NXN: variants seen among roughly 807,000 people sequenced by gnomAD.
NXN encodes the protein nucleoredoxin, also known as nucleoredoxin 1.
Under a neutral mutation model 48.6 loss-of-function variants are expected in NXN, and 16 were observed. The observed-to-expected ratio is 0.33, with a 90% CI of 0.22 to 0.50. The LOEUF (loss-of-function observed/expected upper bound fraction) is 0.50, where lower values mean the gene tolerates loss of function less well. Among genes scored for constraint, NXN ranks in the 20% least tolerant of loss-of-function variants. The pLI is 0.98. For missense variants in NXN, 492 were observed against 605.5 expected (o/e 0.81, Z 1.97); for synonymous variants, 281 against 269.6 (o/e 1.04, Z -0.41).
chr17:870,420 G>A (rs749057739), intron 1 of NXN, among the ~76,000 whole-genome samples: 6 of 150,268 alleles, frequency 4.0e-5, no homozygotes, highest in South Asian at 2.1e-4. Flanking sequence ...GCCTAAGGGA[G>A]CATCACAGGA....
At chr17:863,455 C>A (rs1238671874) in intron 1 of NXN, among the ~76,000 whole-genome samples, 1 of 152,128 alleles carries the variant, frequency 6.6e-6, no homozygotes, top group South Asian at 2.1e-4. Context: ...GTGTGAGCCA[C>A]CACGCTCAGC....
At chr17:928,253 C>A (rs1399146885) in intron 1 of NXN, among the ~76,000 whole-genome samples, 1 of 152,138 alleles carries the variant, frequency 6.6e-6, no homozygotes, top group Non-Finnish European at 1.5e-5. Context: ...AAAAGCGACA[C>A]CCAGCTAACT....
chr17:955,520 G>A (rs1048783440), intron 1 of NXN, among the ~76,000 whole-genome samples: 5 of 151,514 alleles, frequency 3.3e-5, no homozygotes, highest in African/African-American at 1.2e-4. Context: ...GACACTGGTT[G>A]GACTTCTTTT....
intron 1 of NXN, among the ~76,000 whole-genome samples, chr17:974,223 C>A (rs1045745683): frequency 6.6e-6 from 1 of 151,566 alleles, no homozygotes; most frequent in Non-Finnish European, 1.5e-5. Context: ...TGGTGGTGGG[C>A]GCCTGTAGTC....
chr17:945,113 G>A (rs1295151951), intron 1 of NXN, among the ~76,000 whole-genome samples: 1 of 152,054 alleles, frequency 6.6e-6, no homozygotes, highest in Non-Finnish European at 1.5e-5. Context: ...ACGGAGTCTC[G>A]CTCTGTGGCC....
At chr17:875,326 CG>C (rs2068202615) in intron 1 of NXN, among the ~76,000 whole-genome samples, 2 of 152,084 alleles carry the variant, frequency 1.3e-5, no homozygotes, top group East Asian at 1.9e-4. Flanking sequence ...GCCACCATGC[CG>C]GGTGCTATAC....
At chr17:968,203 T>C (rs749375377) in intron 1 of NXN, among the ~76,000 whole-genome samples, 6 of 152,068 alleles carry the variant, frequency 3.9e-5, no homozygotes, top group Non-Finnish European at 7.4e-5. Context: ...GACTGTTGAA[T>C]GTGGGTGGAT....
intron 5 of NXN, among the ~76,000 whole-genome samples, chr17:814,083 A>T (rs1912331696): frequency 6.6e-6 from 1 of 151,940 alleles, no homozygotes; most frequent in African/African-American, 2.4e-5. Flanking sequence ...CAACATGGTG[A>T]AACCCTGTCT....
chr17:873,908 T>C (rs924534865), intron 1 of NXN, among the ~76,000 whole-genome samples: 2 of 152,140 alleles, frequency 1.3e-5, no homozygotes, highest in African/African-American at 4.8e-5. Context: ...GCTTCCTCCA[T>C]TTCTCCAACA....
rs548603292 is a variant in NXN at position 901,731 on chromosome 17, GCT to G, written c.361-75655_361-75654del. Among the ~76,000 whole-genome samples, 13 of 152,096 alleles carry G rather than the reference GCT, an allele frequency of 8.5e-5. No homozygotes were observed. In the South Asian group the frequency reaches 2.7e-3, roughly 32 times the overall value. On this transcript the variant is annotated intron_variant, in intron 1 of 7. Transcript: ENST00000336868. ...TTCTGTTTTTTGGAGATGGGATATC[GCT>G]CTGTCGCCCAAGCCGCAGTGCAGTG...
intron 1 of NXN, among the ~76,000 whole-genome samples, chr17:961,135 T>G (rs1450254546): frequency 1.3e-5 from 2 of 151,534 alleles, no homozygotes. Flanking sequence ...GGCTCATGCC[T>G]GTAATCCCAG....
intron 1 of NXN, among the ~76,000 whole-genome samples, chr17:895,623 T>C (rs369413055): frequency 0.012 from 1,747 of 144,854 alleles, 16 homozygotes; most frequent in South Asian, 0.029. Flanking sequence ...CCATCCTGGC[T>C]AACACGGTGA....
intron 1 of NXN, among the ~76,000 whole-genome samples, chr17:876,327 C>G (rs577278974): frequency 2.6e-5 from 4 of 152,082 alleles, no homozygotes; most frequent in Non-Finnish European, 5.9e-5. Context: ...CTAAGACACT[C>G]AATCTCACAT....
At chr17:853,652 A>G (rs1307943830) in intron 1 of NXN, among the ~76,000 whole-genome samples, 1 of 149,922 alleles carries the variant, frequency 6.7e-6, no homozygotes, top group Non-Finnish European at 1.5e-5. Context: ...ATACATGTCC[A>G]AGCCCTAGTA....
In NXN at chr17:953,774, C is replaced by T. The variant is rs73975602; in HGVS notation, c.360+25545G>A. On this transcript the variant is annotated intron_variant, in intron 1 of 7. Transcript: ENST00000336868. Reference sequence around the variant, plus strand: ...AACATAGTGAGACCCCCATCTCTAACAAAAATTTAAAAATTATCTGGGCGT... The same window carrying T: ...AACATAGTGAGACCCCCATCTCTAATAAAAATTTAAAAATTATCTGGGCGT... Among the ~76,000 whole-genome samples the T allele has an allele frequency of 6.8e-3, 1,025 of 151,574 alleles. 13 individuals are homozygous for T. Among genetic ancestry groups the T allele is most frequent in the African/African-American group, 0.023 (961 of 41,352 alleles).
chr17:853,929 C>G (rs1199524673), intron 1 of NXN, among the ~76,000 whole-genome samples: 1 of 151,726 alleles, frequency 6.6e-6, no homozygotes, highest in Non-Finnish European at 1.5e-5. Flanking sequence ...TCCATGTTAG[C>G]CAGGATGGTC....
chr17:827,344 C>T (rs1344493142), intron 1 of NXN, among the ~76,000 whole-genome samples: 3 of 148,666 alleles, frequency 2.0e-5, no homozygotes, highest in East Asian at 2.0e-4. Context: ...TGGACGTGGC[C>T]GGGTGCGGTG....
At chr17:814,511 C>T (rs377415232) in intron 5 of NXN, among the ~76,000 whole-genome samples, 7 of 152,296 alleles carry the variant, frequency 4.6e-5, no homozygotes, top group East Asian at 1.9e-4. Flanking sequence ...GCAGCAGCTC[C>T]ACTCTAAGTG....
chr17:839,965 C>G (rs1327853119), intron 1 of NXN, among the ~76,000 whole-genome samples: 3 of 151,546 alleles, frequency 2.0e-5, no homozygotes, highest in African/African-American at 4.9e-5. Context: ...GGCAAGGAGA[C>G]AGGTGCCTGT....
Sources: gnomAD v4.1 joint callset for allele counts (sites outside exome capture counted in the v4.1 genomes callset) on GRCh38, gnomAD v4.1.1 for gene constraint, MANE v1.5 for transcripts, NCBI Gene and HGNC (gene_info 2026-07-23, HGNC 2026-07-21) for gene names.